The following ACVR1C variants were observed in gnomAD, a reference collection of about 807,000 sequenced individuals.
ACVR1C encodes the protein activin A receptor type 1C.
In ACVR1C, 23 loss-of-function variants were observed where a neutral mutation model predicts 57.9. The observed-to-expected ratio is 0.40, with a 90% CI of 0.29 to 0.56. ACVR1C has a LOEUF of 0.56. Ranked by LOEUF, ACVR1C falls within the 20% of genes least tolerant of loss-of-function variation. The pLI, the probability that ACVR1C is intolerant of heterozygous loss-of-function variation, is 0.50. For missense variants in ACVR1C, 480 were observed against 607.9 expected, an observed-to-expected ratio of 0.79 and a Z score of 2.21; for synonymous variants, 214 against 215.3, an observed-to-expected ratio of 0.99 and a Z score of 0.05.
chr2:157,617,367 A>G (rs1403080932), intron 1 of ACVR1C, among the ~76,000 whole-genome samples: 2 of 152,202 alleles, frequency 1.3e-5, no homozygotes, highest in Non-Finnish European at 2.9e-5. Context: ...AGTAAGAAAT[A>G]TAGATGATGA....
At position 157,583,633 on chromosome 2, in the gene ACVR1C, A is replaced by G. The variant is rs966875860; in HGVS notation, c.304+3554T>C. 2.0e-5 allele frequency among the ~76,000 whole-genome samples: 3 copies of G among 152,222 alleles called. No individual in the cohort carries two copies. The South Asian group carries it at 6.2e-4, about 31-fold the overall frequency. ...ATTTCAATACTTACTATAAAACTAC[A>G]ATAATCAAAACAGTTTGACGATAGT... On this transcript the variant is annotated intron_variant, in intron 2 of 8. Transcript: ENST00000243349.
chr2:157,550,090 T>G, intron 4 of ACVR1C, 72 bp downstream of exon 4: 1 of 967,288 alleles, frequency 1.0e-6, no homozygotes, highest in Non-Finnish European at 1.5e-6. Context: ...CTAGACAACA[T>G]TTTTTTTTTG....
intron 2 of ACVR1C, among the ~76,000 whole-genome samples, chr2:157,558,954 G>A (rs1220477575): frequency 6.6e-6 from 1 of 152,114 alleles, no homozygotes; most frequent in African/African-American, 2.4e-5. Flanking sequence ...TTTAAAATGT[G>A]TTTTTAAATA....
intron 1 of ACVR1C, among the ~76,000 whole-genome samples, chr2:157,592,613 A>G (rs1305865551): frequency 2.6e-5 from 4 of 152,110 alleles, no homozygotes; most frequent in Non-Finnish European, 5.9e-5. Flanking sequence ...AATAAGTAAC[A>G]TACGACATAC....
chr2:157,627,951 T>C (rs891450672), intron 1 of ACVR1C, among the ~76,000 whole-genome samples: 19 of 152,340 alleles, frequency 1.2e-4, no homozygotes, highest in African/African-American at 4.6e-4. Flanking sequence ...TCTGGGGCGC[T>C]TGCCAGAATT....
chr2:157,588,880 CGT>C (rs544108935), intron 1 of ACVR1C, among the ~76,000 whole-genome samples: 20 of 55,026 alleles, frequency 3.6e-4, no homozygotes, highest in African/African-American at 1.1e-3. Flanking sequence ...TATATATATA[CGT>C]GTGTGTGTAT....
chr2:157,563,070 T>G (rs1186353409), intron 2 of ACVR1C, among the ~76,000 whole-genome samples: 1 of 152,146 alleles, frequency 6.6e-6, no homozygotes, highest in East Asian at 1.9e-4. Flanking sequence ...AAAACAAGGA[T>G]GCTCTCTCTC....
At chr2:157,594,428 T>C (rs1433357548) in intron 1 of ACVR1C, among the ~76,000 whole-genome samples, 1 of 151,892 alleles carries the variant, frequency 6.6e-6, no homozygotes, top group Non-Finnish European at 1.5e-5. Flanking sequence ...AGAATTGGTG[T>C]TGGGTATGTG....
At chr2:157,540,750 G>GT (rs1371572599) in intron 7 of ACVR1C, among the ~76,000 whole-genome samples, 1 of 152,194 alleles carries the variant, frequency 6.6e-6, no homozygotes, top group African/African-American at 2.4e-5. Flanking sequence ...TTCAAGTCCT[G>GT]TTGCCTCAGC....
At chr2:157,557,608 CA>C (rs1688135475) in intron 2 of ACVR1C, among the ~76,000 whole-genome samples, 1 of 152,112 alleles carries the variant, frequency 6.6e-6, no homozygotes, top group Non-Finnish European at 1.5e-5. Flanking sequence ...CCAGTGTTTA[CA>C]ATGATGCCTG....
At chr2:157,606,698 T>G (rs1266347609) in intron 1 of ACVR1C, among the ~76,000 whole-genome samples, 1 of 151,864 alleles carries the variant, frequency 6.6e-6, no homozygotes, top group African/African-American at 2.4e-5. Flanking sequence ...CATTTAATAT[T>G]CTGGATATTA....
chr2:157,558,780 T>C (rs184107150), intron 2 of ACVR1C, among the ~76,000 whole-genome samples: 8 of 152,338 alleles, frequency 5.3e-5, no homozygotes, highest in African/African-American at 1.9e-4. Flanking sequence ...TTAGCCATGG[T>C]ACTTCCAACT....
chr2:157,554,260 AAAGAAAGAAAGGAAGG>A (rs1365429669), intron 3 of ACVR1C, among the ~76,000 whole-genome samples: 1 of 131,318 alleles, frequency 7.6e-6, no homozygotes, highest in Admixed American at 7.2e-5. Flanking sequence ...AGAAAGAAAG[AAAGAAAGAAAGGAAGG>A]AAGGAAGAGA....
chr2:157,604,005 T>G (rs566882988), intron 1 of ACVR1C, among the ~76,000 whole-genome samples: 200 of 152,204 alleles, frequency 1.3e-3, no homozygotes, highest in Non-Finnish European at 1.8e-3. Flanking sequence ...CACGTTTAAC[T>G]ATTGTTGTTA....
At position 157,532,362 on chromosome 2, in the gene ACVR1C, T is replaced by C. The variant is rs1687372846; in HGVS notation, c.*1556A>G. ...AAAAAAAAATCAAGTAGCATTTCTT[T>C]ACTGTTATTAGTTTTTTTTTTTTTT... On this transcript the variant is annotated 3_prime_UTR_variant, in exon 9 of 9. Coordinates refer to ENST00000243349, the MANE Select transcript of ACVR1C (RefSeq NM_145259.3). The C allele has an allele frequency of 6.6e-6, 1 of 151,424 alleles. No individual in the cohort carries two copies. Among genetic ancestry groups the C allele is most frequent in the Non-Finnish European group, 1.5e-5 (1 of 67,858 alleles). The allele number at this position is 151,424 out of a possible 1,614,324, so 9.4% of individuals were successfully genotyped here.
rs1688665933 is a variant in ACVR1C, at chr2:157,576,833, TTC to T, written c.304+10352_304+10353del. On this transcript the variant is annotated intron_variant, in intron 2 of 8. Coordinates refer to ENST00000243349, the MANE Select transcript of ACVR1C (RefSeq NM_145259.3). ...GTAGAGCCTTTTGGGCTTTGAAATT[TTC>T]TTTTTTTTTTTTTTTTTTTTTTTTT... Among the ~76,000 whole-genome samples the T allele has an allele frequency of 2.1e-5, 2 of 95,646 alleles. 1 individual carries two copies. The highest frequency in any genetic ancestry group is 4.3e-5 in the Non-Finnish European group (2 of 46,992). 62.7% of individuals were successfully genotyped at this position (95,646 alleles called of 152,430 possible).
chr2:157,607,213 A>T (rs1209708756), intron 1 of ACVR1C, among the ~76,000 whole-genome samples: 1 of 151,866 alleles, frequency 6.6e-6, no homozygotes, highest in Non-Finnish European at 1.5e-5. Context: ...TGGTCACTAT[A>T]GCCTTCCAAT....
At chr2:157,577,698 C>A (rs963584773) in intron 2 of ACVR1C, among the ~76,000 whole-genome samples, 14 of 152,040 alleles carry the variant, frequency 9.2e-5, no homozygotes, top group African/African-American at 3.1e-4. Context: ...GTTTTCTACA[C>A]TCTGATAATC....
chr2:157,596,452 A>T (rs1682118803), intron 1 of ACVR1C, among the ~76,000 whole-genome samples: 1 of 152,192 alleles, frequency 6.6e-6, no homozygotes, highest in Admixed American at 6.5e-5. Context: ...ACTAATGTAT[A>T]CAACTTCTCC....
Sources: gnomAD v4.1 joint callset for allele counts (sites outside exome capture counted in the v4.1 genomes callset) on GRCh38, gnomAD v4.1.1 for gene constraint, MANE v1.5 for transcripts, NCBI Gene and HGNC (gene_info 2026-07-23, HGNC 2026-07-21) for gene names.